CTNNA2: variants seen among roughly 807,000 people sequenced by gnomAD.
CTNNA2 encodes the protein catenin alpha 2.
A neutral mutation model predicts 101.0 loss-of-function variants in CTNNA2; 42 were observed. The observed-to-expected ratio is 0.42, with a 90% CI of 0.32 to 0.54. The LOEUF (loss-of-function observed/expected upper bound fraction) is 0.54, where lower values mean the gene tolerates loss of function less well. Among genes scored for constraint, CTNNA2 ranks in the 20% least tolerant of loss-of-function variants. CTNNA2 has a pLI of 0.14. For missense variants in CTNNA2, 871 were observed against 1,223.1 expected, an observed-to-expected ratio of 0.71 and a Z score of 4.29; for synonymous variants, 450 against 456.4, an observed-to-expected ratio of 0.99 and a Z score of 0.18.
At chr2:79,521,783 G>C (rs1297277786) in intron 1 of CTNNA2, among the ~76,000 whole-genome samples, 2 of 152,172 alleles carry the variant, frequency 1.3e-5, no homozygotes, top group East Asian at 1.9e-4. Flanking sequence ...TTGTGGGAGA[G>C]TGTATGCAGA....
intron 3 of CTNNA2, among the ~76,000 whole-genome samples, chr2:79,312,982 C>G (rs1413283953): frequency 6.6e-6 from 1 of 152,172 alleles, no homozygotes; most frequent in Non-Finnish European, 1.5e-5. Context: ...AGTGTTTGTG[C>G]ACAGAGCAAT....
intron 2 of CTNNA2, among the ~76,000 whole-genome samples, chr2:79,220,511 C>G (rs1405442767): frequency 6.6e-6 from 1 of 152,034 alleles, no homozygotes; most frequent in Non-Finnish European, 1.5e-5. Flanking sequence ...GCCACAGAGA[C>G]AGGCCACAGG....
At chr2:79,790,205 G>T (rs966284910) in intron 3 of CTNNA2, among the ~76,000 whole-genome samples, 12 of 152,096 alleles carry the variant, frequency 7.9e-5, no homozygotes, top group Admixed American at 3.9e-4. Flanking sequence ...CAAATGAAAC[G>T]CTGGGGAAGA....
At chr2:79,939,607 T>C (rs1051348976) in intron 7 of CTNNA2, among the ~76,000 whole-genome samples, 1 of 151,296 alleles carries the variant, frequency 6.6e-6, no homozygotes, top group Non-Finnish European at 1.5e-5. Flanking sequence ...TAATATCCTA[T>C]TTTTTTATTC....
intron 2 of CTNNA2, among the ~76,000 whole-genome samples, chr2:79,269,751 T>C (rs1219277902): frequency 1.3e-5 from 2 of 152,216 alleles, no homozygotes; most frequent in East Asian, 3.9e-4. Context: ...ATCACTCTTA[T>C]TGTATGCACT....
intron 7 of CTNNA2, among the ~76,000 whole-genome samples, chr2:80,316,010 A>G (rs1443256858): frequency 1.3e-5 from 2 of 152,138 alleles, no homozygotes; most frequent in Non-Finnish European, 1.5e-5. Flanking sequence ...TAAGCCCGCT[A>G]AGGTTTTAGA....
At chr2:80,094,286 T>C (rs1442939367) in intron 7 of CTNNA2, among the ~76,000 whole-genome samples, 1 of 152,098 alleles carries the variant, frequency 6.6e-6, no homozygotes, top group Non-Finnish European at 1.5e-5. Context: ...TGCTTGTTTT[T>C]CTCAGGTTTG....
chr2:79,411,499 G>T (rs975944094), intron 4 of CTNNA2, among the ~76,000 whole-genome samples: 1 of 152,048 alleles, frequency 6.6e-6, no homozygotes, highest in African/African-American at 2.4e-5. Context: ...CAGAGAGAAA[G>T]GTCGGGTTAC....
intron 9 of CTNNA2, among the ~76,000 whole-genome samples, chr2:80,484,178 A>T (rs1686365347): frequency 6.6e-6 from 1 of 152,118 alleles, no homozygotes; most frequent in Non-Finnish European, 1.5e-5. Context: ...TTTTTAATTT[A>T]AAGTATGCTC....
At chr2:80,131,477 A>T (rs1373380051) in intron 7 of CTNNA2, among the ~76,000 whole-genome samples, 2 of 152,214 alleles carry the variant, frequency 1.3e-5, no homozygotes, top group Non-Finnish European at 2.9e-5. Context: ...TAAAATGGTA[A>T]TGACGGTATA....
intron 3 of CTNNA2, among the ~76,000 whole-genome samples, chr2:79,369,149 G>C (rs1233777164): frequency 6.6e-6 from 1 of 152,076 alleles, no homozygotes; most frequent in African/African-American, 2.4e-5. Context: ...ATAAGGGAGT[G>C]GAGAAGGTAG....
At chr2:80,195,206 G>A (rs61461206) in intron 7 of CTNNA2, among the ~76,000 whole-genome samples, 35,426 of 151,928 alleles carry the variant, frequency 0.23, 6,449 homozygotes, top group African/African-American at 0.51. Flanking sequence ...ATTGAATTCC[G>A]TATGCCTGCC....
At chr2:80,383,178 T>G (rs963254952) in intron 7 of CTNNA2, among the ~76,000 whole-genome samples, 1 of 152,176 alleles carries the variant, frequency 6.6e-6, no homozygotes, top group African/African-American at 2.4e-5. Context: ...ACACCTGTGT[T>G]GATAAAATAA....
At chr2:80,231,720 A>G (rs1709223634) in intron 7 of CTNNA2, among the ~76,000 whole-genome samples, 1 of 152,222 alleles carries the variant, frequency 6.6e-6, no homozygotes, top group South Asian at 2.1e-4. Flanking sequence ...GTATAGCATC[A>G]CATGACAGAC....
intron 2 of CTNNA2, among the ~76,000 whole-genome samples, chr2:79,711,703 T>A (rs1476711083): frequency 6.6e-6 from 1 of 152,156 alleles, no homozygotes; most frequent in African/African-American, 2.4e-5. Context: ...GGAGAACTTT[T>A]TTTTCTGTAA....
intron 4 of CTNNA2, among the ~76,000 whole-genome samples, chr2:79,376,905 T>A (rs991056975): frequency 2.6e-5 from 4 of 152,212 alleles, no homozygotes; most frequent in Non-Finnish European, 5.9e-5. Context: ...TTTGGCTTGG[T>A]TCCAAGTCTT....
intron 7 of CTNNA2, among the ~76,000 whole-genome samples, chr2:80,189,120 T>C (rs1706313227): frequency 6.6e-6 from 1 of 151,820 alleles, no homozygotes; most frequent in South Asian, 2.1e-4. Context: ...ACCTGGCTAA[T>C]TTTTTGTATT....
chr2:79,271,228 T>C (rs909445432), intron 2 of CTNNA2, among the ~76,000 whole-genome samples: 1 of 152,096 alleles, frequency 6.6e-6, no homozygotes, highest in Admixed American at 6.6e-5. Flanking sequence ...AGGTTTTTTA[T>C]TGCAATATCA....
intron 2 of CTNNA2, among the ~76,000 whole-genome samples, chr2:79,706,232 G>A (rs946220103): frequency 1.3e-5 from 2 of 151,824 alleles, no homozygotes; most frequent in Non-Finnish European, 2.9e-5. Flanking sequence ...GCGTGGTGGC[G>A]GGCGCCTGTA....
Sources: allele counts gnomAD v4.1 joint callset (sites outside exome capture counted in the v4.1 genomes callset), GRCh38; gene constraint gnomAD v4.1.1; transcripts MANE v1.5; gene names NCBI Gene and HGNC (gene_info 2026-07-23, HGNC 2026-07-21).